Variants in BLNK observed in about 807,000 individuals in gnomAD.
BLNK encodes B-cell linker protein.
In BLNK, 29 loss-of-function variants were observed where a neutral mutation model predicts 73.5. The observed-to-expected ratio is 0.39, with a 90% CI of 0.29 to 0.54. The LOEUF is 0.54. Among genes scored for constraint, BLNK ranks in the 20% least tolerant of loss-of-function variants. The pLI, the probability that BLNK is intolerant of heterozygous loss-of-function variation, is 0.61. For synonymous variants in BLNK, 176 were observed against 200.8 expected (o/e 0.88, Z 1.04); for missense variants, 460 against 562.8 (o/e 0.82, Z 1.85).
At chr10:96,212,810 C>G (rs1355592663) in intron 8 of BLNK, among the ~76,000 whole-genome samples, 1 of 152,202 alleles carries the variant, frequency 6.6e-6, no homozygotes, top group Non-Finnish European at 1.5e-5. Context: ...TTCAAAGACA[C>G]AGGCTAGTAG....
chr10:96,227,058 G>A (rs1233158546), intron 5 of BLNK, among the ~76,000 whole-genome samples: 3 of 152,202 alleles, frequency 2.0e-5, no homozygotes, highest in Non-Finnish European at 2.9e-5. Context: ...AGCACACGAA[G>A]CCCTAAAAGT....
At chr10:96,251,371 C>T (rs1554909075) in intron 1 of BLNK, among the ~76,000 whole-genome samples, 1 of 152,170 alleles carries the variant, frequency 6.6e-6, no homozygotes, top group African/African-American at 2.4e-5. Context: ...ATAGCACATG[C>T]CATAGCAAAA....
intron 1 of BLNK, among the ~76,000 whole-genome samples, chr10:96,263,034 C>A (rs1237589862): frequency 2.6e-5 from 4 of 152,228 alleles, no homozygotes; most frequent in African/African-American, 9.6e-5. Flanking sequence ...CAAGGCGAAT[C>A]TCTGTGCTTC....
chr10:96,270,235 C>G (rs1402582996), intron 1 of BLNK, among the ~76,000 whole-genome samples: 1 of 152,184 alleles, frequency 6.6e-6, no homozygotes, highest in Non-Finnish European at 1.5e-5. Flanking sequence ...CCAAGCACCT[C>G]CTAGGCATAA....
chr10:96,210,243 G>A (rs2083915799), intron 8 of BLNK: 1 of 384,156 alleles, frequency 2.6e-6, no homozygotes, highest in Admixed American at 3.7e-5. Flanking sequence ...GACCCCCACA[G>A]AGGTCCTTCA....
intron 3 of BLNK, among the ~76,000 whole-genome samples, chr10:96,242,041 T>C (rs781855913): frequency 6.6e-6 from 1 of 152,194 alleles, no homozygotes; most frequent in Non-Finnish European, 1.5e-5. Flanking sequence ...TTTAACATAA[T>C]TGATATGGTT....
chr10:96,192,151 A>C lies in BLNK; in HGVS notation c.1252-59T>G, dbSNP rs1256892553. 1.4e-4 allele frequency: 227 copies of C among 1,599,628 alleles called. 1 individual carries two copies. The highest frequency in any genetic ancestry group is 4.3e-6 in the Non-Finnish European group (5 of 1,170,320). On this transcript the variant is annotated intron_variant, in intron 16 of 16. Transcript: ENST00000224337. ...GGCATTTGTGTTAAATTTGAGCTCC[A>C]CTCCTCCCATCTTCTCTCATTCTCA...
chr10:96,195,335 C>T (rs938693560), intron 16 of BLNK, among the ~76,000 whole-genome samples: 1 of 152,206 alleles, frequency 6.6e-6, no homozygotes, highest in Non-Finnish European at 1.5e-5. Context: ...TAATTGAAAG[C>T]AGTGTCCTGG....
In BLNK at chr10:96,189,782, C is replaced by T. The variant is rs1394614055; in HGVS notation, c.*2191G>A. ...TTTATTCTCTGGAATCTTGCTACCA[C>T]CTCCAGGGACAGATCACTTTCCAGA... On this transcript the variant is annotated 3_prime_UTR_variant, in exon 17 of 17. Transcript: ENST00000224337. 22 of 864,182 alleles carry T rather than the reference C, an allele frequency of 2.5e-5. No homozygotes were observed. In the East Asian group the frequency reaches 4.6e-4, roughly 18 times the overall value. 53.5% of individuals were successfully genotyped at this position (864,182 alleles called of 1,614,324 possible).
intron 1 of BLNK, among the ~76,000 whole-genome samples, chr10:96,268,054 T>G (rs1159679775): frequency 6.6e-6 from 1 of 152,190 alleles, no homozygotes; most frequent in African/African-American, 2.4e-5. Flanking sequence ...TTGATTTTTC[T>G]AATGGAAAAA....
intron 5 of BLNK, 55 bp downstream of exon 5, chr10:96,227,355 C>A: frequency 6.3e-7 from 1 of 1,597,920 alleles, no homozygotes. Context: ...CTTGGACACC[C>A]CCACCTCCCC....
intron 13 of BLNK, among the ~76,000 whole-genome samples, chr10:96,201,810 C>G (rs1175763196): frequency 6.6e-6 from 1 of 152,146 alleles, no homozygotes; most frequent in Non-Finnish European, 1.5e-5. Context: ...TGGGGATATA[C>G]AGCAGTTAAC....
intron 1 of BLNK, among the ~76,000 whole-genome samples, chr10:96,256,684 C>T (rs1246936977): frequency 6.6e-6 from 1 of 151,992 alleles, no homozygotes; most frequent in Non-Finnish European, 1.5e-5. Context: ...AGTTCAAGAC[C>T]AGCCTGGCCA....
chr10:96,258,351 T>C (rs1564851436), intron 1 of BLNK, among the ~76,000 whole-genome samples: 2 of 152,140 alleles, frequency 1.3e-5, no homozygotes, highest in African/African-American at 2.4e-5. Context: ...AGATCAGAGA[T>C]CATGAGTGTC....
In BLNK at chr10:96,242,497, C is replaced by T. The variant is rs1842910518; in HGVS notation, c.163+238G>A. On this transcript the variant is annotated intron_variant, in intron 3 of 16. Transcript: ENST00000224337. ...TATTCCTGCCTCAGATCTGTGTGTG[C>T]CTGGCACATGGAAGATGTTTAATAA... Among the ~76,000 whole-genome samples, 15 of 152,260 alleles carry T rather than the reference C, an allele frequency of 9.9e-5. No homozygotes were observed. In the South Asian group the frequency reaches 2.5e-3, roughly 25 times the overall value.
At chr10:96,208,321 C>T (rs1409833107) in intron 9 of BLNK, among the ~76,000 whole-genome samples, 1 of 152,164 alleles carries the variant, frequency 6.6e-6, no homozygotes, top group Non-Finnish European at 1.5e-5. Flanking sequence ...CTGTCCAGGA[C>T]AGAGGGTAGA....
chr10:96,249,834 C>T (rs1460374667), intron 1 of BLNK, among the ~76,000 whole-genome samples: 1 of 152,212 alleles, frequency 6.6e-6, no homozygotes, highest in African/African-American at 2.4e-5. Context: ...TCAGTAAGAT[C>T]TTGTAGTAGC....
chr10:96,222,284 C>A (rs2084215407), intron 6 of BLNK, among the ~76,000 whole-genome samples: 1 of 152,202 alleles, frequency 6.6e-6, no homozygotes, highest in Non-Finnish European at 1.5e-5. Context: ...TCTTTTCCAT[C>A]TCCTGCTGGG....
At chr10:96,228,744 C>T (rs1213406856) in intron 4 of BLNK, among the ~76,000 whole-genome samples, 2 of 152,076 alleles carry the variant, frequency 1.3e-5, no homozygotes, top group African/African-American at 2.4e-5. Flanking sequence ...ATGTATATAC[C>T]GTTTGTACAT....
Sources: gnomAD v4.1 joint callset for allele counts (sites outside exome capture counted in the v4.1 genomes callset) on GRCh38, gnomAD v4.1.1 for gene constraint, MANE v1.5 for transcripts, NCBI Gene and HGNC (gene_info 2026-07-23, HGNC 2026-07-21) for gene names.